The following SOX6 variants were observed in gnomAD, a reference collection of about 807,000 sequenced individuals.
SOX6 encodes the protein SRY-box transcription factor 6.
Under a neutral mutation model 97.8 loss-of-function variants are expected in SOX6, and 11 were observed. The observed-to-expected ratio is 0.11, with a 90% confidence interval of 0.07 to 0.19. SOX6 has a LOEUF of 0.19. SOX6 is among the 10% of genes least tolerant of loss of function. SOX6 has a pLI of 1.00. For synonymous variants in SOX6, 360 were observed against 371.4 expected, an observed-to-expected ratio of 0.97 and a Z score of 0.35; for missense variants, 810 against 1,039.5, an observed-to-expected ratio of 0.78 and a Z score of 3.04.
intron 1 of SOX6, among the ~76,000 whole-genome samples, chr11:16,437,134 G>A (rs1859392157): frequency 6.6e-6 from 1 of 151,534 alleles, no homozygotes; most frequent in African/African-American, 2.4e-5. Context: ...GCATGGCATT[G>A]CAAGCTTGTA....
chr11:16,173,853 T>C (rs1040344529), intron 6 of SOX6, among the ~76,000 whole-genome samples: 3 of 151,096 alleles, frequency 2.0e-5, no homozygotes, highest in African/African-American at 7.3e-5. Flanking sequence ...ATTTATTTTA[T>C]TTCATTATTG....
At chr11:16,256,262 AC>A in intron 3 of SOX6, among the ~76,000 whole-genome samples, 1 of 152,114 alleles carries the variant, frequency 6.6e-6, no homozygotes, top group East Asian at 1.9e-4. Context: ...TAAAAACCAT[AC>A]ATCAGTAACT....
chr11:16,307,943 A>G (rs1450398671), intron 3 of SOX6, among the ~76,000 whole-genome samples: 1 of 152,102 alleles, frequency 6.6e-6, no homozygotes, highest in Non-Finnish European at 1.5e-5. Flanking sequence ...CATATATTCT[A>G]TTACTTCATT....
chr11:16,727,596 A>ATT (rs200734807), intron 2 of SOX6, among the ~76,000 whole-genome samples: 45 of 145,778 alleles, frequency 3.1e-4, no homozygotes, highest in African/African-American at 5.5e-4. Flanking sequence ...CACCCAGCAA[A>ATT]TTTTTTTTTT....
chr11:16,163,770 A>C (rs1272126146), intron 6 of SOX6, among the ~76,000 whole-genome samples: 1 of 152,240 alleles, frequency 6.6e-6, no homozygotes. Context: ...TCCAAGCAAG[A>C]TAGCAACCTG....
rs945091089 is a variant in SOX6, at chr11:16,376,363, T to C, written c.-4-35111A>G. On this transcript the variant is annotated intron_variant, in intron 1 of 15. Coordinates refer to the SOX6 transcript ENST00000396356. The stretch of plus-strand genomic sequence containing the variant: ...GTGGGAGTAGAGATGATAGTGGAAA[T>C]AGAGAGAGAGAGGCATCCAGAATAA... Among the ~76,000 whole-genome samples the C allele has an allele frequency of 3.3e-5, 5 of 151,644 alleles. No homozygotes were observed. In the South Asian group the frequency reaches 1.0e-3, roughly 32 times the overall value.
intron 4 of SOX6, among the ~76,000 whole-genome samples, chr11:16,537,880 G>A (rs1861334379): frequency 6.6e-6 from 1 of 152,144 alleles, no homozygotes; most frequent in Non-Finnish European, 1.5e-5. Flanking sequence ...GGGGAGAATG[G>A]TACCAAGTTG....
Position 16,055,734 on chromosome 11 carries a change from G to A in SOX6, c.1251+18C>T. 7 of 1,613,408 alleles carry A rather than the reference G, an allele frequency of 4.3e-6. No individual in the cohort carries two copies. The highest frequency in any genetic ancestry group is 5.9e-6 in the Non-Finnish European group (7 of 1,179,638). On this transcript the variant is annotated intron_variant, in intron 10 of 15. Coordinates refer to ENST00000683767, the MANE Select transcript of SOX6 (RefSeq NM_001367873.1). ...CTTTTTTCTAAACTGTTTCCACAAT[G>A]CTGCAAGGCGAGTGTACCTTAACTT...
At chr11:16,346,090 T>C (rs1308060121) in intron 1 of SOX6, among the ~76,000 whole-genome samples, 1 of 152,108 alleles carries the variant, frequency 6.6e-6, no homozygotes, top group African/African-American at 2.4e-5. Flanking sequence ...TTCAAAAAAA[T>C]TAAAACTTCA....
chr11:16,125,644 G>C (rs1849589737), intron 6 of SOX6, among the ~76,000 whole-genome samples: 1 of 151,864 alleles, frequency 6.6e-6, no homozygotes. Flanking sequence ...CTAATAAGCA[G>C]CAACCCAATA....
rs146398908 is a variant in SOX6 at position 16,318,510 on chromosome 11, A to C, written c.381T>G (p.Leu127=). The C allele has an allele frequency of 2.3e-3, 3,751 of 1,613,652 alleles. 109 individuals carry two copies. The East Asian group carries it at 0.07, about 30-fold the overall frequency. Reference sequence around the variant, plus strand: ...GTTTCAGTGTGTCCACCACATCGGCAAGACTCCCTTTGCGGCGCTCTGGGG... The same window carrying C: ...GTTTCAGTGTGTCCACCACATCGGCCAGACTCCCTTTGCGGCGCTCTGGGG... ...FGTPERRKGS[L]ADVVDTLKQK... Residue 127 remains leucine (L), a synonymous_variant, in exon 3 of 16, where the codon CTT becomes CTG. Transcript: ENST00000683767.
rs538271523 is a variant in SOX6 at position 16,644,564 on chromosome 11, C to G, written n.430-32304G>C. 1.1e-3 allele frequency among the ~76,000 whole-genome samples: 164 copies of G among 151,992 alleles called. 5 individuals are homozygous for G. In the South Asian group the frequency reaches 0.031, roughly 28 times the overall value. ...TTCATGAATTATTGACAAGTGCATTCATTTCATTCCAAGGTTATTGGGGGG... is the reference window on the plus strand; with the variant it reads ...TTCATGAATTATTGACAAGTGCATTGATTTCATTCCAAGGTTATTGGGGGG... On this transcript the variant is annotated intron_variant and non_coding_transcript_variant, in intron 3 of 5. Transcript: ENST00000524520.
intron 13 of SOX6, among the ~76,000 whole-genome samples, chr11:16,008,502 C>G (rs1854622362): frequency 6.6e-6 from 1 of 151,998 alleles, no homozygotes; most frequent in African/African-American, 2.4e-5. Context: ...GAGGCTGGGT[C>G]TTTGATTGGG....
chr11:16,046,690 T>C lies in SOX6; in HGVS notation c.1447A>G (p.Ser483Gly), dbSNP rs1167783497. 1.2e-6 allele frequency: 2 copies of C among 1,613,358 alleles called. No individual in the cohort carries two copies. Among genetic ancestry groups the C allele is most frequent in the Non-Finnish European group, 8.5e-7 (1 of 1,179,686 alleles). Reference sequence around the variant, plus strand: ...CCAAAAAGGGCAGGGGAGTTGAGACTAGATAGGATATCTGCATACACAGGA... The same window carrying C: ...CCAAAAAGGGCAGGGGAGTTGAGACCAGATAGGATATCTGCATACACAGGA... ...GRGSSLDILSSLNSPALFGDQ... is the reference protein window; with the variant it reads ...GRGSSLDILSGLNSPALFGDQ... The change falls in exon 12 of 16, where the codon AGT (serine) becomes GGT (glycine). Residue 483 changes from serine to glycine, a missense_variant. Transcript: ENST00000683767.
intron 1 of SOX6, among the ~76,000 whole-genome samples, chr11:16,398,818 G>GA (rs56767189): frequency 1.4e-5 from 2 of 147,232 alleles, no homozygotes; most frequent in African/African-American, 4.9e-5. Flanking sequence ...AAAGGCTATG[G>GA]AAAAAAAAAA....
chr11:16,065,793 C>T (rs1403167785), intron 9 of SOX6, among the ~76,000 whole-genome samples: 2 of 152,046 alleles, frequency 1.3e-5, no homozygotes, highest in Non-Finnish European at 2.9e-5. Flanking sequence ...TAGACAAGAC[C>T]TCAATGTATG....
intron 12 of SOX6, among the ~76,000 whole-genome samples, chr11:16,028,124 A>G (rs1313759210): frequency 6.6e-6 from 1 of 152,274 alleles, no homozygotes; most frequent in Non-Finnish European, 1.5e-5. Flanking sequence ...TTAGCATGCT[A>G]AGAATAAATT....
intron 6 of SOX6, among the ~76,000 whole-genome samples, chr11:16,145,044 C>CA (rs1221334703): frequency 6.6e-6 from 1 of 152,060 alleles, no homozygotes; most frequent in South Asian, 2.1e-4. Context: ...AGAGACACAA[C>CA]AAAAAAAGAG....
intron 3 of SOX6, among the ~76,000 whole-genome samples, chr11:16,679,314 C>T (rs1847908314): frequency 1.3e-5 from 2 of 152,136 alleles, no homozygotes; most frequent in South Asian, 4.2e-4. Flanking sequence ...CTGGTGATAC[C>T]CAGGCAAACA....
Sources: allele counts gnomAD v4.1 joint callset (sites outside exome capture counted in the v4.1 genomes callset), GRCh38; gene constraint gnomAD v4.1.1; transcripts MANE v1.5; gene names NCBI Gene and HGNC (gene_info 2026-07-23, HGNC 2026-07-21).